The following OPA1 variants were observed in gnomAD, a reference collection of about 807,000 sequenced individuals.
OPA1 encodes the protein OPA1 mitochondrial dynamin like GTPase.
A neutral mutation model predicts 152.9 loss-of-function variants in OPA1; 59 were observed. That is an observed-to-expected ratio of 0.39 (90% confidence interval 0.31 to 0.48). The LOEUF is 0.48. Among genes scored for constraint, OPA1 ranks in the 20% least tolerant of loss-of-function variants. OPA1 has a pLI of 0.96. For missense variants in OPA1, 1,008 were observed against 1,216.8 expected (o/e 0.83, Z 2.55); for synonymous variants, 400 against 389.9 (o/e 1.03, Z -0.31).
chr3:193,610,779 C>G (rs1188370312), intron 1 of OPA1, among the ~76,000 whole-genome samples: 1 of 152,234 alleles, frequency 6.6e-6, no homozygotes, highest in Non-Finnish European at 1.5e-5. Context: ...GCAGTTTGAT[C>G]TCAGACTGCT....
intron 6 of OPA1, among the ~76,000 whole-genome samples, chr3:193,623,028 G>A (rs184327656): frequency 1.3e-5 from 2 of 152,140 alleles, no homozygotes; most frequent in Non-Finnish European, 2.9e-5. Context: ...GCTTAAGTAG[G>A]ACTTGCTTTT....
intron 13 of OPA1, 141 bp from the exon 14 acceptor site, chr3:193,643,232 C>A: frequency 2.3e-6 from 2 of 864,274 alleles, no homozygotes; most frequent in Non-Finnish European, 3.8e-6. Context: ...CTTTTAGGAT[C>A]AGAGAAAGAA....
chr3:193,623,036 T>C (rs1416291896), intron 6 of OPA1, among the ~76,000 whole-genome samples: 1 of 152,198 alleles, frequency 6.6e-6, no homozygotes, highest in African/African-American at 2.4e-5. Context: ...AGGACTTGCT[T>C]TTCTGGGATT....
rs553085177 is a variant in OPA1 at position 193,659,111 on chromosome 3, T to C, written c.2440+116T>C. 173 of 770,882 alleles carry C rather than the reference T, an allele frequency of 2.2e-4. 1 individual carries two copies. Among genetic ancestry groups the C allele is most frequent in the South Asian group, 2.2e-3 (144 of 65,326 alleles). The allele number at this position is 770,882 out of a possible 1,614,324, so 47.8% of individuals were successfully genotyped here. A position where few individuals can be genotyped will look rare whatever the true frequency, so the allele number is the denominator to read the frequency against. The stretch of plus-strand genomic sequence containing the variant: ...ATTTCAAAGTCTTTGTCATTAATAC[T>C]ATAGTCGAATATTATTTGTGGAATT... On this transcript the variant is annotated intron_variant, in intron 24 of 30. Transcript: ENST00000361510.
chr3:193,661,440 G>A lies in OPA1; in HGVS notation c.2521-1382G>A, dbSNP rs915794835. ...ATCCTTTCTATCCCTCCCACTCCCA[G>A]TTGAAGACAAGTGTTTTCAACCTCA... On this transcript the variant is annotated intron_variant, in intron 25 of 30. Transcript: ENST00000361510. Among the ~76,000 whole-genome samples, 2 of 152,152 alleles carry A rather than the reference G, an allele frequency of 1.3e-5. 1 individual carries two copies. The highest frequency in any genetic ancestry group is 4.1e-4 in the South Asian group (2 of 4,830).
In OPA1 at chr3:193,697,052, T is replaced by C. The variant is rs1722307138; in HGVS notation, c.*2452T>C. 6.6e-6 allele frequency: 1 copy of C among 152,220 alleles called. No individual in the cohort carries two copies. Among genetic ancestry groups the C allele is most frequent in the Non-Finnish European group, 1.5e-5 (1 of 68,040 alleles). The allele number at this position is 152,220 out of a possible 1,614,324, so 9.4% of individuals were successfully genotyped here. ...TCAGCCTCCAAATGCAAATGAATGA[T>C]ATAAAAATAAGTAGGGAACATGGCA... On this transcript the variant is annotated 3_prime_UTR_variant, in exon 31 of 31. Transcript: ENST00000361510.
chr3:193,668,615 C>T (rs1372650254), intron 29 of OPA1: 3 of 1,533,478 alleles, frequency 2.0e-6, no homozygotes, highest in South Asian at 1.2e-5. Flanking sequence ...CGCCAGCCTG[C>T]ACCAGGCCAC....
chr3:193,642,539 G>C (rs930344435), intron 11 of OPA1, among the ~76,000 whole-genome samples: 1 of 152,146 alleles, frequency 6.6e-6, no homozygotes, highest in Admixed American at 6.5e-5. Flanking sequence ...CAGCATTCTT[G>C]TTGGGAAATC....
intron 1 of OPA1, among the ~76,000 whole-genome samples, chr3:193,600,909 G>T (rs1402505177): frequency 1.3e-5 from 2 of 152,178 alleles, no homozygotes; most frequent in Non-Finnish European, 2.9e-5. Flanking sequence ...TAAGGAAACA[G>T]CAGTATCAGC....
intron 16 of OPA1, 135 bp downstream of exon 16, chr3:193,644,240 A>C: frequency 1.9e-6 from 2 of 1,072,178 alleles, no homozygotes; most frequent in South Asian, 2.7e-5. Flanking sequence ...ATGAAAGGAT[A>C]AAGCAAAATC....
At chr3:193,644,616 G>A (rs1734259044) in intron 16 of OPA1, among the ~76,000 whole-genome samples, 1 of 152,158 alleles carries the variant, frequency 6.6e-6, no homozygotes, top group South Asian at 2.1e-4. Flanking sequence ...GGCCTGCTGT[G>A]TTAACCCTTT....
chr3:193,661,073 T>G (rs1055625710), intron 25 of OPA1, among the ~76,000 whole-genome samples: 16 of 152,368 alleles, frequency 1.1e-4, no homozygotes, highest in African/African-American at 3.4e-4. Context: ...CCAAACACTC[T>G]CTGAAAGAAG....
intron 1 of OPA1, among the ~76,000 whole-genome samples, chr3:193,605,775 T>G (rs1435154556): frequency 6.6e-6 from 1 of 152,064 alleles, no homozygotes; most frequent in African/African-American, 2.4e-5. Flanking sequence ...TAAAAAACTG[T>G]GTTTTTCTGA....
chr3:193,691,305 A>G (rs6797542), intron 29 of OPA1: 115,559 of 152,162 alleles, frequency 0.76, 44,154 homozygotes, highest in South Asian at 0.87. Flanking sequence ...GGCATGTACT[A>G]TGAGCAGTTC....
At chr3:193,618,332 G>T (rs1464366231) in intron 5 of OPA1, among the ~76,000 whole-genome samples, 1 of 151,922 alleles carries the variant, frequency 6.6e-6, no homozygotes, top group Non-Finnish European at 1.5e-5. Flanking sequence ...CAAAAAATTT[G>T]CCGGGCGTGG....
chr3:193,643,865 T>G (rs1203524665), intron 15 of OPA1, 110 bp from the exon 16 acceptor site: 2 of 1,198,950 alleles, frequency 1.7e-6, no homozygotes, highest in African/African-American at 1.5e-5. Flanking sequence ...CGTAAATGTA[T>G]TAAAATCTTT....
intron 1 of OPA1, among the ~76,000 whole-genome samples, chr3:193,607,503 A>G (rs1277788905): frequency 6.6e-6 from 1 of 152,162 alleles, no homozygotes; most frequent in East Asian, 1.9e-4. Flanking sequence ...TTTTCCCAGC[A>G]CCATTTATTA....
chr3:193,614,710 A>G lies in OPA1; in HGVS notation c.33-13A>G. On this transcript the variant is annotated splice_polypyrimidine_tract_variant and intron_variant, in intron 1 of 30. Transcript: ENST00000361510. ...CCTCTCTGATCTTTCTTCCATATTCATTTTTCTTTCAGTGAGGTCTGCCAG... is the reference window on the plus strand; with the variant it reads ...CCTCTCTGATCTTTCTTCCATATTCGTTTTTCTTTCAGTGAGGTCTGCCAG... The G allele has an allele frequency of 1.3e-6, 2 of 1,598,456 alleles. No homozygotes were observed. Among genetic ancestry groups the G allele is most frequent in the Non-Finnish European group, 1.7e-6 (2 of 1,166,168 alleles).
chr3:193,637,067 T>C lies in OPA1; in HGVS notation c.949-128T>C. 1.1e-5 allele frequency: 6 copies of C among 534,004 alleles called. No homozygotes were observed. The South Asian group carries it at 1.7e-4, about 15-fold the overall frequency. The allele number at this position is 534,004 out of a possible 1,614,324, so 33.1% of individuals were successfully genotyped here. On this transcript the variant is annotated intron_variant, in intron 9 of 30. Transcript: ENST00000361510. ...TTACGATGAAGATGTATTTATGTAA[T>C]TTGAGAAAACAGTACAATGATTATG...
Sources: gnomAD v4.1 joint callset for allele counts (sites outside exome capture counted in the v4.1 genomes callset) on GRCh38, gnomAD v4.1.1 for gene constraint, MANE v1.5 for transcripts, NCBI Gene and HGNC (gene_info 2026-07-23, HGNC 2026-07-21) for gene names.